The following ANKRD62 variants were observed in gnomAD, a reference collection of about 807,000 sequenced individuals.
ANKRD62 encodes the protein ankyrin repeat domain 62, also known as ankyrin repeat domain-containing protein 62.
In ANKRD62, 61 loss-of-function variants were observed where a neutral mutation model predicts 98.8. The ratio of observed to expected loss-of-function variants is 0.62; its 90% CI spans 0.50 to 0.76. ANKRD62 has a LOEUF of 0.76. Ranked by LOEUF, ANKRD62 falls within the 30% of genes least tolerant of loss-of-function variation. The probability of loss-of-function intolerance (pLI) is 0.00; values close to 1 mark genes in which losing one functional copy is unlikely to be tolerated. For missense variants in ANKRD62, 933 were observed against 1,082.9 expected, an observed-to-expected ratio of 0.86 and a Z score of 1.94; for synonymous variants, 341 against 367.9, an observed-to-expected ratio of 0.93 and a Z score of 0.84.
At chr18:12,115,003 A>G (rs9959641) in intron 8 of ANKRD62, 85 bp from the exon 9 acceptor site, 666,187 of 1,042,704 alleles carry the variant, frequency 0.64, 216,977 homozygotes, top group Middle Eastern at 0.7. Flanking sequence ...AAACACAGAG[A>G]TTTTATATAA....
the ANKRD62 span, among the ~76,000 whole-genome samples, chr18:12,137,798 A>G: frequency 6.6e-6 from 1 of 152,212 alleles, no homozygotes; most frequent in East Asian, 1.9e-4. Context: ...TGAGGAATTT[A>G]TCTATTTCTT....
At chr18:12,137,169 A>G in the ANKRD62 span, among the ~76,000 whole-genome samples, 6 of 152,248 alleles carry the variant, frequency 3.9e-5, no homozygotes, top group African/African-American at 1.4e-4. Context: ...ATTCAGTATG[A>G]TATTGGCTGT....
At chr18:12,110,447 C>T (rs1909514783) in intron 8 of ANKRD62, among the ~76,000 whole-genome samples, 3 of 151,980 alleles carry the variant, frequency 2.0e-5, no homozygotes, top group South Asian at 4.2e-4. Flanking sequence ...TATAAAAATG[C>T]CATATGTGTA....
At chr18:12,096,666 AG>A in intron 4 of ANKRD62, among the ~76,000 whole-genome samples, 1 of 152,328 alleles carries the variant, frequency 6.6e-6, no homozygotes, top group Non-Finnish European at 1.5e-5. Flanking sequence ...ACTCTTTTAT[AG>A]TAGTTTCAAC....
At chr18:12,141,009 G>A in the ANKRD62 span, among the ~76,000 whole-genome samples, 4 of 152,212 alleles carry the variant, frequency 2.6e-5, no homozygotes, top group Non-Finnish European at 4.4e-5. Context: ...CACCCAGTTC[G>A]AGCTTCCTGG....
At position 12,099,619 on chromosome 18, in the gene ANKRD62, C is replaced by A; in HGVS notation, c.757C>A (p.Arg253Ser). Residue 253 changes from arginine to serine, a missense_variant, in exon 6 of 14, where the codon CGT becomes AGT. Coordinates refer to ENST00000587848, the MANE Select transcript of ANKRD62 (RefSeq NM_001277333.2). ...TTACTGCATTTTGATACATAGCATT[C>A]GTGGAATGATTTCTGAATATAAAGC... ...YAVASKFQAIRGMISEYKANK... is the reference protein window; with the variant it reads ...YAVASKFQAISGMISEYKANK... The A allele has an allele frequency of 2.7e-6, 4 of 1,478,114 alleles. No individual in the cohort carries two copies. The highest frequency in any genetic ancestry group is 1.4e-5 in the South Asian group (1 of 73,176). The allele number at this position is 1,478,114 out of a possible 1,614,324, so 91.6% of individuals were successfully genotyped here.
the ANKRD62 span, among the ~76,000 whole-genome samples, chr18:12,138,407 G>C: frequency 6.6e-6 from 1 of 152,234 alleles, no homozygotes; most frequent in African/African-American, 2.4e-5. Context: ...TGTGGTCTGA[G>C]AGACAGTTTG....
In ANKRD62 at chr18:12,093,891, C is replaced by G. The variant is rs1475765640; in HGVS notation, c.-127C>G. 4.8e-6 allele frequency: 4 copies of G among 837,416 alleles called. No individual in the cohort carries two copies. The highest frequency in any genetic ancestry group is 7.6e-6 in the Non-Finnish European group (4 of 527,562). The allele number at this position is 837,416 out of a possible 1,614,324, so 51.9% of individuals were successfully genotyped here. ...TCCGAGCAGCTGGAGACTGGAGTGT[C>G]CCTGACGGAGGTTGCGGCTGGACCT... is the stretch of plus-strand genomic sequence containing the variant. On this transcript the variant is annotated 5_prime_UTR_variant, in exon 1 of 14. Transcript: ENST00000587848.
chr18:12,171,968 A>G, the ANKRD62 span, among the ~76,000 whole-genome samples: 1 of 152,106 alleles, frequency 6.6e-6, no homozygotes, highest in Non-Finnish European at 1.5e-5. Flanking sequence ...TTCTCATGCC[A>G]TGGTTTTCAG....
Position 12,095,104 on chromosome 18 carries a change from G to C in ANKRD62, c.219-67G>C, listed in dbSNP as rs1000985215. ...AACATACTATTGGATGTTTACAATT[G>C]CATGCGTCGTTGTATGTTTTGGGAC... On this transcript the variant is annotated intron_variant, in intron 1 of 13. Transcript: ENST00000587848. 1.3e-5 allele frequency: 14 copies of C among 1,081,334 alleles called. No homozygotes were observed. In the East Asian group the frequency reaches 3.6e-4, roughly 28 times the overall value. 67.0% of individuals were successfully genotyped at this position (1,081,334 alleles called of 1,614,324 possible). A position where few individuals can be genotyped will look rare whatever the true frequency, so the allele number is the denominator to read the frequency against.
chr18:12,124,994 T>A (rs2143931898), intron 12 of ANKRD62, among the ~76,000 whole-genome samples: 1 of 152,332 alleles, frequency 6.6e-6, no homozygotes. Flanking sequence ...TAGAATTATC[T>A]ATAAAATAGT....
Position 12,097,761 on chromosome 18 carries a change from G to C in ANKRD62, c.736G>C (p.Ala246Pro). ...ATGGACTGCAGAAGACTACGCTGTT[G>C]CTTCTAAGTTTCAAGCGTAAGTGTT... Reference protein sequence around the residue: ...SGWTAEDYAVASKFQAIRGMI... With the variant: ...SGWTAEDYAVPSKFQAIRGMI... The change falls in exon 5 of 14, where the codon GCT becomes CCT. Residue 246 changes from alanine (A) to proline (P), a missense_variant. Around this residue, in one of 3 missense-constraint regions of ANKRD62, gnomAD observed 549 missense variants for 587.9 expected, o/e 0.93. Transcript: ENST00000587848. The C allele has an allele frequency of 6.5e-7, 1 of 1,535,410 alleles. No homozygotes were observed. Among genetic ancestry groups the C allele is most frequent in the South Asian group, 1.2e-5 (1 of 83,594 alleles).
intron 8 of ANKRD62, among the ~76,000 whole-genome samples, chr18:12,108,384 G>A (rs1015976167): frequency 6.6e-6 from 1 of 152,150 alleles, no homozygotes; most frequent in Non-Finnish European, 1.5e-5. Context: ...GTGAGAGCAA[G>A]GAAGTGCCAC....
chr18:12,114,853 A>T (rs961607698), intron 8 of ANKRD62, among the ~76,000 whole-genome samples: 2 of 151,944 alleles, frequency 1.3e-5, no homozygotes, highest in Non-Finnish European at 2.9e-5. Context: ...TTTAAACTTA[A>T]TTTTTTGATA....
rs760454519 is a variant in ANKRD62, at chr18:12,097,728, A to T, written c.703A>T (p.Ile235Leu). ...CAATATTGATGTCTTTTGCCAAGATATATCTGGATGGACTGCAGAAGACTA... is the reference window on the plus strand; with the variant it reads ...CAATATTGATGTCTTTTGCCAAGATTTATCTGGATGGACTGCAGAAGACTA... ...QHNIDVFCQD[I>L]SGWTAEDYAV... Residue 235 changes from isoleucine (I) to leucine (L), a missense_variant, in exon 5 of 14, where the codon ATA becomes TTA. Transcript: ENST00000587848. 3.3e-6 allele frequency: 5 copies of T among 1,535,966 alleles called. No individual in the cohort carries two copies. Among genetic ancestry groups the T allele is most frequent in the Non-Finnish European group, 4.4e-6 (5 of 1,146,808 alleles).
At chr18:12,100,065 C>A (rs976768208) in intron 6 of ANKRD62, among the ~76,000 whole-genome samples, 59 of 152,052 alleles carry the variant, frequency 3.9e-4, no homozygotes, top group African/African-American at 1.4e-3. Context: ...TTAGTAAATA[C>A]ATATTACAGC....
Position 12,107,714 on chromosome 18 carries a change from A to G in ANKRD62, c.1064+247A>G, listed in dbSNP as rs142081522. 3.1e-3 allele frequency among the ~76,000 whole-genome samples: 474 copies of G among 152,298 alleles called. 3 individuals carry two copies. Among genetic ancestry groups the G allele is most frequent in the African/African-American group, 9.9e-3 (413 of 41,560 alleles). Reference sequence around the variant, plus strand: ...ACATCCTCTTATACACTGTTGCTAAATGAAATTGGTAAATCTTTATTGAAG... The same window carrying G: ...ACATCCTCTTATACACTGTTGCTAAGTGAAATTGGTAAATCTTTATTGAAG... On this transcript the variant is annotated intron_variant, in intron 8 of 13. Coordinates refer to ENST00000587848, the MANE Select transcript of ANKRD62 (RefSeq NM_001277333.2).
At chr18:12,101,368 G>A (rs573945217) in intron 6 of ANKRD62, among the ~76,000 whole-genome samples, 3 of 152,128 alleles carry the variant, frequency 2.0e-5, no homozygotes, top group Non-Finnish European at 4.4e-5. Context: ...GTAATATTTT[G>A]ATATGTCTAC....
the ANKRD62 span, among the ~76,000 whole-genome samples, chr18:12,135,741 G>A: frequency 6.6e-6 from 1 of 152,032 alleles, no homozygotes; most frequent in East Asian, 1.9e-4. Context: ...CATTCTAACT[G>A]GTGTGAGATG....
Sources: gnomAD v4.1 joint callset for allele counts (sites outside exome capture counted in the v4.1 genomes callset) on GRCh38, gnomAD v4.1.1 for gene constraint, gnomAD v4.1.1 regional missense constraint, MANE v1.5 for transcripts, NCBI Gene and HGNC (gene_info 2026-07-23, HGNC 2026-07-21) for gene names.